The following ARHGEF28 variants were observed in gnomAD, a reference collection of about 807,000 sequenced individuals.
ARHGEF28 encodes Rho guanine nucleotide exchange factor 28.
In ARHGEF28, 152 loss-of-function variants were observed where a neutral mutation model predicts 206.6. The observed-to-expected ratio is 0.74, with a 90% CI of 0.64 to 0.84. The LOEUF is 0.84. Among genes scored for constraint, ARHGEF28 ranks in the 40% least tolerant of loss-of-function variants. The probability of loss-of-function intolerance (pLI) is 0.00; values close to 1 mark genes in which losing one functional copy is unlikely to be tolerated. For synonymous variants in ARHGEF28, 763 were observed against 776.4 expected (o/e 0.98, Z 0.29); for missense variants, 2,028 against 2,073.2 (o/e 0.98, Z 0.42).
intron 23 of ARHGEF28, among the ~76,000 whole-genome samples, chr5:73,883,154 G>A (rs1197329380): frequency 2.0e-5 from 3 of 152,072 alleles, no homozygotes; most frequent in Non-Finnish European, 4.4e-5. Context: ...TCATTTGAAT[G>A]TTATCCCACC....
intron 9 of ARHGEF28, among the ~76,000 whole-genome samples, chr5:73,806,507 CTATATATAGTATGTATATAGTATATA>C (rs1755476770): frequency 8.8e-6 from 1 of 113,688 alleles, no homozygotes; most frequent in African/African-American, 3.9e-5. Context: ...TAGTATATAT[CTATATATAGTATGTATATAGTATATA>C]TCTATATATA....
At chr5:73,695,758 A>G (rs1206556002) in intron 2 of ARHGEF28, among the ~76,000 whole-genome samples, 4 of 152,118 alleles carry the variant, frequency 2.6e-5, no homozygotes, top group African/African-American at 9.7e-5. Flanking sequence ...CCTTTGGATT[A>G]TTGCCCCTGG....
rs976093323 is a variant in ARHGEF28, at chr5:73,858,328, A to G, written c.2047+109A>G. 8.2e-6 allele frequency: 11 copies of G among 1,348,798 alleles called. No homozygotes were observed. In the South Asian group the frequency reaches 1.4e-4, roughly 17 times the overall value. The allele number at this position is 1,348,798 out of a possible 1,614,324, so 83.6% of individuals were successfully genotyped here. ...TACATAAACCTTTTCAGTGCCACAC[A>G]TATGACTGAACCGTTTACCAAGCAA... On this transcript the variant is annotated intron_variant, in intron 16 of 35. Transcript: ENST00000513042.
intron 2 of ARHGEF28, among the ~76,000 whole-genome samples, chr5:73,732,530 C>T (rs960359769): frequency 1.3e-5 from 2 of 152,172 alleles, no homozygotes; most frequent in Admixed American, 6.5e-5. Context: ...AATAGAGCTG[C>T]TGTAAACATC....
intron 1 of ARHGEF28, among the ~76,000 whole-genome samples, chr5:73,682,662 T>G (rs932358244): frequency 6.6e-6 from 1 of 152,166 alleles, no homozygotes; most frequent in East Asian, 1.9e-4. Flanking sequence ...TCCACCTGCC[T>G]CAGCCTCCCA....
intron 11 of ARHGEF28, among the ~76,000 whole-genome samples, chr5:73,841,712 GAAA>G (rs33935657): frequency 1.1e-4 from 12 of 110,794 alleles, no homozygotes; most frequent in Non-Finnish European, 1.8e-4. Flanking sequence ...TCAAAAAGAA[GAAA>G]AAAAAAAAAA....
At position 73,892,128 on chromosome 5, in the gene ARHGEF28, T is replaced by C. The variant is rs1339151349; in HGVS notation, c.3464T>C (p.Leu1155Pro). 1 of 1,591,946 alleles carries C rather than the reference T, an allele frequency of 6.3e-7. No homozygotes were observed. The highest frequency in any genetic ancestry group is 1.3e-5 in the African/African-American group (1 of 74,698). Residue 1155 changes from leucine (L) to proline (P), a missense_variant, in exon 27 of 36, where the codon CTG (leucine) becomes CCG (proline). Physicochemically the swap from Leu to Pro is moderately conservative, Grantham distance 98. This residue lies in a region of ARHGEF28 where 803 missense variants were observed against 768.0 expected (regional missense o/e 1.05). Transcript: ENST00000513042. Reference sequence around the variant, plus strand: ...GCTAATGAGGAGAGAGGAATGTTTCTGATCAGTGCTTCATCTGCTGGTCCT... The same window carrying C: ...GCTAATGAGGAGAGAGGAATGTTTCCGATCAGTGCTTCATCTGCTGGTCCT... ...EVANEERGMF[L>P]ISASSAGPEM...
At chr5:73,938,707 A>G (rs1243775795) in intron 35 of ARHGEF28, among the ~76,000 whole-genome samples, 1 of 152,204 alleles carries the variant, frequency 6.6e-6, no homozygotes, top group Non-Finnish European at 1.5e-5. Context: ...GCTTCAGTCT[A>G]TGGCTGGGAA....
intron 10 of ARHGEF28, among the ~76,000 whole-genome samples, chr5:73,839,846 T>C (rs1466040295): frequency 6.6e-6 from 1 of 152,244 alleles, no homozygotes; most frequent in Non-Finnish European, 1.5e-5. Flanking sequence ...TGTTTGGTGT[T>C]GCTTTTTGTG....
In ARHGEF28 at chr5:73,812,836, T is replaced by C. The variant is rs550239129; in HGVS notation, c.1024+17445T>C. On this transcript the variant is annotated intron_variant, in intron 9 of 35. Transcript: ENST00000513042. ...GAAATACCCCAATTGTGCTAAACAG[T>C]GGTAGATAACTTTGTATAAATCTAA... Among the ~76,000 whole-genome samples, 21 of 152,286 alleles carry C rather than the reference T, an allele frequency of 1.4e-4. 1 individual carries two copies. The South Asian group carries it at 4.4e-3, about 32-fold the overall frequency.
At chr5:73,646,249 C>T (rs956579386) in intron 1 of ARHGEF28, among the ~76,000 whole-genome samples, 2 of 152,146 alleles carry the variant, frequency 1.3e-5, no homozygotes, top group African/African-American at 2.4e-5. Context: ...CAACGCAGAC[C>T]CTGATTATAT....
chr5:73,726,505 G>T (rs954107330), intron 2 of ARHGEF28, among the ~76,000 whole-genome samples: 4 of 152,140 alleles, frequency 2.6e-5, no homozygotes, highest in African/African-American at 9.7e-5. Flanking sequence ...TAAGATATAG[G>T]GAGTTTTAAC....
intron 9 of ARHGEF28, among the ~76,000 whole-genome samples, chr5:73,832,128 A>G (rs934321899): frequency 3.9e-5 from 6 of 152,236 alleles, no homozygotes; most frequent in African/African-American, 7.2e-5. Context: ...ATATTTATCT[A>G]TCTAGAACTT....
chr5:73,823,988 G>A (rs1756746837), intron 9 of ARHGEF28, among the ~76,000 whole-genome samples: 3 of 152,226 alleles, frequency 2.0e-5, no homozygotes, highest in Admixed American at 2.0e-4. Flanking sequence ...AGCTACAATA[G>A]TAGTAGTGTC....
intron 6 of ARHGEF28, chr5:73,777,892 A>G (rs1019454468): frequency 7.2e-5 from 11 of 152,290 alleles, no homozygotes; most frequent in African/African-American, 2.7e-4. Flanking sequence ...CATCCTGGCC[A>G]ACATGGTGAA....
At chr5:73,827,127 A>G (rs1426400319) in intron 9 of ARHGEF28, among the ~76,000 whole-genome samples, 1 of 152,140 alleles carries the variant, frequency 6.6e-6, no homozygotes, top group African/African-American at 2.4e-5. Context: ...TTGGAGGTAA[A>G]TCCTATAGGC....
intron 2 of ARHGEF28, among the ~76,000 whole-genome samples, chr5:73,736,538 G>A (rs1161130282): frequency 3.9e-5 from 6 of 152,150 alleles, no homozygotes; most frequent in African/African-American, 1.4e-4. Context: ...CAAATGCACA[G>A]TACTGTTAAT....
At chr5:73,807,973 G>A (rs1755614441) in intron 9 of ARHGEF28, among the ~76,000 whole-genome samples, 1 of 151,924 alleles carries the variant, frequency 6.6e-6, no homozygotes, top group East Asian at 1.9e-4. Flanking sequence ...TTCTAGCTGG[G>A]CTTCTAGGTG....
intron 9 of ARHGEF28, among the ~76,000 whole-genome samples, chr5:73,823,810 C>G (rs1561431706): frequency 6.6e-6 from 1 of 152,196 alleles, no homozygotes; most frequent in East Asian, 1.9e-4. Flanking sequence ...AACTACATAG[C>G]AGAGTGTCTG....
Sources: gnomAD v4.1 joint callset for allele counts (sites outside exome capture counted in the v4.1 genomes callset) on GRCh38, gnomAD v4.1.1 for gene constraint, gnomAD v4.1.1 regional missense constraint, MANE v1.5 for transcripts, NCBI Gene and HGNC (gene_info 2026-07-23, HGNC 2026-07-21) for gene names.